SLCO1A2: variants seen among roughly 807,000 people sequenced by gnomAD.
The protein encoded by SLCO1A2 is solute carrier organic anion transporter family member 1A2.
In SLCO1A2, 67 loss-of-function variants were observed where a neutral mutation model predicts 69.0. The ratio of observed to expected loss-of-function variants is 0.97; its 90% CI spans 0.80 to 1.19. The LOEUF (loss-of-function observed/expected upper bound fraction) is 1.19, where lower values mean the gene tolerates loss of function less well. Ranked by LOEUF, SLCO1A2 falls within the 50% of genes most tolerant of loss-of-function variation. The pLI is 0.00. For synonymous variants in SLCO1A2, 260 were observed against 265.9 expected, an observed-to-expected ratio of 0.98 and a Z score of 0.22; for missense variants, 787 against 793.7, an observed-to-expected ratio of 0.99 and a Z score of 0.10.
chr12:21,279,714 A>C (rs1253492669), intron 12 of SLCO1A2, among the ~76,000 whole-genome samples: 2 of 152,254 alleles, frequency 1.3e-5, no homozygotes, highest in African/African-American at 4.8e-5. Context: ...TACTTCAATC[A>C]GAAAGGAAAG....
chr12:21,317,823 T>C (rs1951071582), intron 3 of SLCO1A2, among the ~76,000 whole-genome samples: 1 of 152,222 alleles, frequency 6.6e-6, no homozygotes, highest in South Asian at 2.1e-4. Context: ...GTGACACTTA[T>C]ATTTCTATAT....
At chr12:21,418,883 G>T (rs1349990795), upstream of SLCO1A2, among the ~76,000 whole-genome samples, 1 of 152,004 alleles carries the variant, frequency 6.6e-6, no homozygotes, top group African/African-American at 2.4e-5. Flanking sequence ...TTTTTGTATG[G>T]CCTGTGAACT....
At chr12:21,327,382 A>G (rs1952318192) in intron 2 of SLCO1A2, among the ~76,000 whole-genome samples, 1 of 152,110 alleles carries the variant, frequency 6.6e-6, no homozygotes, top group Admixed American at 6.5e-5. Flanking sequence ...TGCCTGGTGG[A>G]GCTGTGAGAA....
At chr12:21,319,904 AAGAT>A (rs1318542939) in intron 2 of SLCO1A2, among the ~76,000 whole-genome samples, 1 of 152,208 alleles carries the variant, frequency 6.6e-6, no homozygotes, top group African/African-American at 2.4e-5. Flanking sequence ...TAAATTTAAA[AAGAT>A]AGCTTTTAGT....
At chr12:21,306,258 T>C (rs1949372751) in intron 5 of SLCO1A2, among the ~76,000 whole-genome samples, 1 of 152,198 alleles carries the variant, frequency 6.6e-6, no homozygotes, top group Non-Finnish European at 1.5e-5. Flanking sequence ...ATCATCAGCA[T>C]AAATCCATCC....
At chr12:21,349,321 G>GTT (rs905794009) in intron 2 of SLCO1A2, among the ~76,000 whole-genome samples, 15 of 152,078 alleles carry the variant, frequency 9.9e-5, no homozygotes, top group African/African-American at 3.1e-4. Flanking sequence ...GGAGTCCTGG[G>GTT]TTTCTATTCT....
chr12:21,365,309 T>G (rs1396277052), intron 2 of SLCO1A2, among the ~76,000 whole-genome samples: 2 of 152,186 alleles, frequency 1.3e-5, no homozygotes, highest in African/African-American at 4.8e-5. Flanking sequence ...GGATTCCCTA[T>G]TTAATAAACG....
chr12:21,383,180 A>C (rs894266265), intron 1 of SLCO1A2, among the ~76,000 whole-genome samples: 3 of 152,218 alleles, frequency 2.0e-5, no homozygotes, highest in Non-Finnish European at 4.4e-5. Flanking sequence ...AAAGTTAAAA[A>C]AAATTCAATA....
intron 14 of SLCO1A2, among the ~76,000 whole-genome samples, chr12:21,271,394 G>A (rs891626066): frequency 2.6e-5 from 4 of 151,382 alleles, no homozygotes; most frequent in African/African-American, 9.7e-5. Context: ...TATTTATATT[G>A]TCTTTTAATC....
chr12:21,274,519 CAA>C lies in SLCO1A2; in HGVS notation c.1741_1742del (p.Leu581GlufsTer4). On this transcript the variant is annotated frameshift_variant, in exon 14 of 15. Coordinates refer to ENST00000683939, the MANE Select transcript of SLCO1A2 (RefSeq NM_001386879.1). LOFTEE classifies it high-confidence loss of function. ...TGCATGCCCCTGACTCACCACATTT[CAA>C]AGTTCCCCAGTGTAAACATGTGGAA... is the stretch of plus-strand genomic sequence containing the variant. ...MDSTCLHWGT[L>X]KCGESGACRI... 2.5e-6 allele frequency: 4 copies of C among 1,613,724 alleles called. No homozygotes were observed. In the South Asian group the frequency reaches 4.4e-5, roughly 18 times the overall value.
intron 2 of SLCO1A2, among the ~76,000 whole-genome samples, chr12:21,368,352 C>T (rs1939539317): frequency 6.6e-6 from 1 of 152,004 alleles, no homozygotes; most frequent in African/African-American, 2.4e-5. Flanking sequence ...AACAAATGCC[C>T]CCATTTTTTA....
At chr12:21,274,340 A>G (rs1412027346) in intron 14 of SLCO1A2, 129 bp downstream of exon 14, 2 of 553,386 alleles carry the variant, frequency 3.6e-6, no homozygotes, top group Non-Finnish European at 6.5e-6. Flanking sequence ...ATATAACATC[A>G]GTATCTCTGC....
chr12:21,387,844 C>T, intron 1 of SLCO1A2, among the ~76,000 whole-genome samples: 1 of 152,180 alleles, frequency 6.6e-6, no homozygotes, highest in East Asian at 1.9e-4. Flanking sequence ...AGACACGCAA[C>T]ACCAGCCCAT....
chr12:21,289,164 G>GTGA (rs1946425810), intron 12 of SLCO1A2, among the ~76,000 whole-genome samples: 1 of 150,240 alleles, frequency 6.7e-6, no homozygotes, highest in Admixed American at 6.7e-5. Context: ...TTGTACATTT[G>GTGA]TGATGGTAAT....
chr12:21,382,700 C>T (rs1421077366), intron 1 of SLCO1A2, among the ~76,000 whole-genome samples: 3 of 147,824 alleles, frequency 2.0e-5, no homozygotes, highest in African/African-American at 7.5e-5. Context: ...GAGGCTGAGA[C>T]GGGAGAGTCG....
intron 8 of SLCO1A2, among the ~76,000 whole-genome samples, chr12:21,297,878 G>T (rs150539532): frequency 2.4e-4 from 37 of 152,200 alleles, no homozygotes; most frequent in African/African-American, 7.0e-4. Context: ...TACGTCCACA[G>T]CATTTTATTA....
At chr12:21,328,004 TG>T (rs1348705103) in intron 2 of SLCO1A2, among the ~76,000 whole-genome samples, 1 of 152,002 alleles carries the variant, frequency 6.6e-6, no homozygotes, top group East Asian at 1.9e-4. Flanking sequence ...AATTGAAACA[TG>T]GGGGTGAGTT....
intron 2 of SLCO1A2, among the ~76,000 whole-genome samples, chr12:21,369,236 C>T (rs1196373958): frequency 6.6e-6 from 1 of 152,078 alleles, no homozygotes; most frequent in African/African-American, 2.4e-5. Context: ...TCTTCAATCT[C>T]TTCTCATTTC....
chr12:21,415,744 T>C (rs1017254818), intron 1 of SLCO1A2, among the ~76,000 whole-genome samples: 1 of 152,138 alleles, frequency 6.6e-6, no homozygotes, highest in Admixed American at 6.5e-5. Context: ...CACTATAGTA[T>C]ATGTGTATGT....
Sources: gnomAD v4.1 joint callset for allele counts (sites outside exome capture counted in the v4.1 genomes callset) on GRCh38, gnomAD v4.1.1 for gene constraint, MANE v1.5 for transcripts, NCBI Gene and HGNC (gene_info 2026-07-23, HGNC 2026-07-21) for gene names.